Variants in INPP4B observed in about 807,000 individuals in gnomAD.
INPP4B encodes inositol polyphosphate 4-phosphatase type II.
INPP4B carries 55 observed loss-of-function variants against 122.5 expected under a neutral mutation model. The ratio of observed to expected loss-of-function variants is 0.45; its 90% CI spans 0.36 to 0.56. INPP4B has a LOEUF of 0.56. Ranked by LOEUF, INPP4B falls within the 20% of genes least tolerant of loss-of-function variation. The pLI is 0.00. For missense variants in INPP4B, 1,000 were observed against 1,097.7 expected, an observed-to-expected ratio of 0.91 and a Z score of 1.26; for synonymous variants, 403 against 388.7, an observed-to-expected ratio of 1.04 and a Z score of -0.43.
intron 2 of INPP4B, among the ~76,000 whole-genome samples, chr4:142,644,328 A>G (rs538507956): frequency 6.6e-6 from 1 of 151,954 alleles, no homozygotes; most frequent in South Asian, 2.1e-4. Flanking sequence ...GAGGAGGGCG[A>G]GAAGGAGGAA....
intron 1 of INPP4B, among the ~76,000 whole-genome samples, chr4:142,806,766 AGAAAGAAAGAAAGAAAGAAG>A (rs1299188234): frequency 0.013 from 1,004 of 74,822 alleles, 28 homozygotes; most frequent in Non-Finnish European, 0.015. Context: ...AGAAGAAAGA[AGAAAGAAAGAAAGAAAGAAG>A]GAAAGAAAGA....
chr4:142,800,632 G>C (rs76002667), intron 1 of INPP4B, among the ~76,000 whole-genome samples: 9 of 152,094 alleles, frequency 5.9e-5, no homozygotes, highest in Non-Finnish European at 1.3e-4. Flanking sequence ...AAGTTCTAAA[G>C]GCAAAGCACT....
intron 17 of INPP4B, among the ~76,000 whole-genome samples, chr4:142,153,544 G>A (rs1424778743): frequency 1.3e-5 from 2 of 152,136 alleles, no homozygotes; most frequent in African/African-American, 2.4e-5. Flanking sequence ...CATTATAAAT[G>A]TCTAGAAAAT....
At chr4:142,635,534 G>A (rs910748521) in intron 2 of INPP4B, among the ~76,000 whole-genome samples, 1 of 152,106 alleles carries the variant, frequency 6.6e-6, no homozygotes, top group African/African-American at 2.4e-5. Flanking sequence ...GCCATAAAAA[G>A]AACAAGATCG....
rs191680834 is a variant in INPP4B at position 142,374,959 on chromosome 4, G to A, written c.372+27979C>T. Among the ~76,000 whole-genome samples, 133 of 151,906 alleles carry A rather than the reference G, an allele frequency of 8.8e-4. 2 individuals carry two copies. Among genetic ancestry groups the A allele is most frequent in the African/African-American group, 3.0e-3 (123 of 41,512 alleles). ...AGGAACAATTACCAAGAGATCTCCAGCTCTCCGTTCTGGAACCCTCACTTA... is the reference window on the plus strand; with the variant it reads ...AGGAACAATTACCAAGAGATCTCCAACTCTCCGTTCTGGAACCCTCACTTA... On this transcript the variant is annotated intron_variant, in intron 7 of 25. Coordinates refer to ENST00000262992, the MANE Select transcript of INPP4B (RefSeq NM_001101669.3).
chr4:142,233,765 A>C (rs1855490561), intron 12 of INPP4B, among the ~76,000 whole-genome samples: 1 of 152,098 alleles, frequency 6.6e-6, no homozygotes, highest in Admixed American at 6.5e-5. Context: ...AACATGCCTA[A>C]TTTAATTCTT....
intron 2 of INPP4B, among the ~76,000 whole-genome samples, chr4:142,543,682 CAA>C (rs750011462): frequency 6.6e-6 from 1 of 151,964 alleles, no homozygotes; most frequent in African/African-American, 2.4e-5. Context: ...AACTATTACC[CAA>C]AGTTTGAATT....
intron 25 of INPP4B, among the ~76,000 whole-genome samples, chr4:142,070,558 C>A (rs1209971298): frequency 6.6e-6 from 1 of 152,178 alleles, no homozygotes; most frequent in East Asian, 1.9e-4. Flanking sequence ...CCCCTGTTTG[C>A]AGATGACATG....
At chr4:142,647,046 G>T (rs1339181461) in intron 2 of INPP4B, among the ~76,000 whole-genome samples, 1 of 152,120 alleles carries the variant, frequency 6.6e-6, no homozygotes, top group Non-Finnish European at 1.5e-5. Context: ...TTTTTGTATA[G>T]GGGAAAATCT....
At chr4:142,479,506 C>A (rs1308208383) in intron 2 of INPP4B, among the ~76,000 whole-genome samples, 1 of 152,102 alleles carries the variant, frequency 6.6e-6, no homozygotes, top group Non-Finnish European at 1.5e-5. Context: ...AACACACATG[C>A]ACATGAATGT....
intron 2 of INPP4B, among the ~76,000 whole-genome samples, chr4:142,673,519 G>A (rs1757291066): frequency 6.6e-6 from 1 of 152,058 alleles, no homozygotes; most frequent in African/African-American, 2.4e-5. Context: ...GATCCCTTGG[G>A]TATTTCCTTG....
intron 25 of INPP4B, among the ~76,000 whole-genome samples, chr4:142,051,536 A>T (rs931899661): frequency 1.4e-4 from 21 of 151,956 alleles, no homozygotes; most frequent in African/African-American, 5.1e-4. Flanking sequence ...TCTATTTTTT[A>T]TTCACTTTAC....
rs1329947523 is a variant in INPP4B, at chr4:142,259,460, A to G, written c.688+1032T>C. ...GCGCGTGGGTAAGTGTTGAATTTCAATTTTTTAAGTGTGTATTTTGTACTC... is the reference window on the plus strand; with the variant it reads ...GCGCGTGGGTAAGTGTTGAATTTCAGTTTTTTAAGTGTGTATTTTGTACTC... On this transcript the variant is annotated intron_variant, in intron 11 of 25. Transcript: ENST00000262992. Among the ~76,000 whole-genome samples the G allele has an allele frequency of 2.6e-5, 4 of 151,670 alleles. No individual in the cohort carries two copies. In the South Asian group the frequency reaches 8.3e-4, roughly 31 times the overall value.
chr4:142,043,663 T>C (rs1236170753), intron 25 of INPP4B, among the ~76,000 whole-genome samples: 1 of 152,154 alleles, frequency 6.6e-6, no homozygotes, highest in African/African-American at 2.4e-5. Context: ...AATGCTAGGA[T>C]ATTTTCTGTT....
In INPP4B at chr4:142,078,765, C is replaced by T. The variant is rs369912311; in HGVS notation, c.2642+3266G>A. 3.0e-4 allele frequency among the ~76,000 whole-genome samples: 45 copies of T among 151,938 alleles called. 1 individual carries two copies. Among genetic ancestry groups the T allele is most frequent in the Middle Eastern group, 6.8e-3 (2 of 294 alleles). On this transcript the variant is annotated intron_variant, in intron 25 of 25. Transcript: ENST00000262992. ...ATAAAGAGTGATATGATAACCTTGG[C>T]GAACTTTATTTTTCCCTTGAGTTTT...
At chr4:142,469,690 G>A (rs1424964469) in intron 2 of INPP4B, among the ~76,000 whole-genome samples, 1 of 152,126 alleles carries the variant, frequency 6.6e-6, no homozygotes, top group South Asian at 2.1e-4. Context: ...TCAATTTTAT[G>A]CATTTGCTCA....
At chr4:142,323,727 G>T (rs189198321) in intron 7 of INPP4B, among the ~76,000 whole-genome samples, 1 of 151,530 alleles carries the variant, frequency 6.6e-6, no homozygotes. Flanking sequence ...TTACAGGCGT[G>T]AGCCACAGCG....
In INPP4B at chr4:142,123,360, G is replaced by A. The variant is rs755512915; in HGVS notation, c.1949C>T (p.Pro650Leu). 2.5e-6 allele frequency: 4 copies of A among 1,612,720 alleles called. No individual in the cohort carries two copies. The South Asian group carries it at 3.3e-5, about 13-fold the overall frequency. The change falls in exon 20 of 26, where the codon CCA becomes CTA. Residue 650 changes from proline to leucine, a missense_variant. Pro to Leu is a moderately conservative substitution (Grantham distance 98). Coordinates refer to ENST00000262992, the MANE Select transcript of INPP4B (RefSeq NM_001101669.3). Reference protein sequence around the residue: ...IIKLQTSLYDPGFLQQLHTVG... With the variant: ...IIKLQTSLYDLGFLQQLHTVG... The stretch of plus-strand genomic sequence containing the variant: ...TGTGTGAAGCTGCTGTAGGAAGCCT[G>A]GGTCATACAGACTTGTCTGTAATTT...
intron 15 of INPP4B, among the ~76,000 whole-genome samples, chr4:142,184,476 C>A (rs113770758): frequency 7.9e-5 from 12 of 152,142 alleles, no homozygotes; most frequent in African/African-American, 2.9e-4. Context: ...GTGTCTGCTA[C>A]CTAATTCTAT....
Sources: gnomAD v4.1 joint callset for allele counts (sites outside exome capture counted in the v4.1 genomes callset) on GRCh38, gnomAD v4.1.1 for gene constraint, MANE v1.5 for transcripts, NCBI Gene and HGNC (gene_info 2026-07-23, HGNC 2026-07-21) for gene names.